The following UEVLD variants were observed in gnomAD, a reference collection of about 807,000 sequenced individuals.
The protein encoded by UEVLD is UEV and lactate/malate dehyrogenase domains.
A neutral mutation model predicts 58.6 loss-of-function variants in UEVLD; 47 were observed. The ratio of observed to expected loss-of-function variants is 0.80; its 90% CI spans 0.63 to 1.02. UEVLD has a LOEUF of 1.02. UEVLD is among the 50% of genes least tolerant of loss of function. UEVLD has a pLI of 0.00. For missense variants in UEVLD, 510 were observed against 550.6 expected, an observed-to-expected ratio of 0.93 and a Z score of 0.74; for synonymous variants, 197 against 195.3, an observed-to-expected ratio of 1.01 and a Z score of -0.07.
intron 1 of UEVLD, among the ~76,000 whole-genome samples, chr11:18,579,208 C>T (rs539074031): frequency 6.6e-6 from 1 of 152,088 alleles, no homozygotes. Context: ...GTGGTAGGCC[C>T]TGAGCTCTGC....
At chr11:18,541,736 G>A (rs1851063023) in intron 9 of UEVLD, among the ~76,000 whole-genome samples, 1 of 152,196 alleles carries the variant, frequency 6.6e-6, no homozygotes, top group Non-Finnish European at 1.5e-5. Context: ...TCATATAAGG[G>A]ATGCTTGACT....
intron 7 of UEVLD, among the ~76,000 whole-genome samples, chr11:18,549,451 CTG>C (rs1017544869): frequency 1.1e-4 from 17 of 152,276 alleles, no homozygotes; most frequent in African/African-American, 3.8e-4. Flanking sequence ...GGGTCTCACT[CTG>C]TTGCCCAGGC....
intron 9 of UEVLD, among the ~76,000 whole-genome samples, chr11:18,540,012 A>G (rs1450494159): frequency 6.6e-6 from 1 of 152,024 alleles, no homozygotes; most frequent in Non-Finnish European, 1.5e-5. Flanking sequence ...TTTTTTGCCA[A>G]TTTTCTATTC....
intron 7 of UEVLD, among the ~76,000 whole-genome samples, chr11:18,551,081 G>A (rs974979647): frequency 1.1e-4 from 17 of 152,132 alleles, no homozygotes; most frequent in Admixed American, 1.1e-3. Flanking sequence ...CAGTTATAAA[G>A]AGAATTAGAA....
At chr11:18,585,295 A>G (rs548525209) in intron 1 of UEVLD, among the ~76,000 whole-genome samples, 2 of 152,342 alleles carry the variant, frequency 1.3e-5, no homozygotes, top group Non-Finnish European at 2.9e-5. Context: ...TTCTGAGCCT[A>G]TAACATTTAT....
intron 9 of UEVLD, among the ~76,000 whole-genome samples, chr11:18,543,610 G>A (rs1851159763): frequency 6.6e-6 from 1 of 152,182 alleles, no homozygotes; most frequent in Non-Finnish European, 1.5e-5. Context: ...CACTGTAAGT[G>A]TATAGTACTC....
At chr11:18,576,110 C>T (rs1175157163) in intron 2 of UEVLD, among the ~76,000 whole-genome samples, 1 of 152,218 alleles carries the variant, frequency 6.6e-6, no homozygotes, top group African/African-American at 2.4e-5. Flanking sequence ...CCTTCCTGGG[C>T]ATAGGCTGAA....
At chr11:18,534,763 G>C (rs1205332616) in intron 10 of UEVLD, among the ~76,000 whole-genome samples, 2 of 152,154 alleles carry the variant, frequency 1.3e-5, no homozygotes, top group Non-Finnish European at 2.9e-5. Context: ...AAATTAAAAA[G>C]ACTGATAACT....
At chr11:18,543,505 T>C (rs936088778) in intron 9 of UEVLD, among the ~76,000 whole-genome samples, 8 of 152,224 alleles carry the variant, frequency 5.3e-5, no homozygotes, top group African/African-American at 2.4e-5. Flanking sequence ...ATCCTATTCA[T>C]TCGTCCAAAC....
intron 1 of UEVLD, among the ~76,000 whole-genome samples, chr11:18,581,297 A>G (rs1427484993): frequency 6.6e-6 from 1 of 152,258 alleles, no homozygotes; most frequent in Non-Finnish European, 1.5e-5. Context: ...CAGGCAGGAA[A>G]CTACAAATTG....
rs907880686 is a variant in UEVLD at position 18,532,265 on chromosome 11, T to G, written c.*55A>C. The G allele has an allele frequency of 1.3e-5, 20 of 1,504,354 alleles. No homozygotes were observed. The highest frequency in any genetic ancestry group is 1.8e-5 in the Non-Finnish European group (20 of 1,123,768). The allele number at this position is 1,504,354 out of a possible 1,614,324, so 93.2% of individuals were successfully genotyped here. ...TCCTCAAACCTATATATAGGTAAAATTAAATGACTTTTCCCTTTAGGTAGA... is the reference window on the plus strand; with the variant it reads ...TCCTCAAACCTATATATAGGTAAAAGTAAATGACTTTTCCCTTTAGGTAGA... On this transcript the variant is annotated 3_prime_UTR_variant, in exon 12 of 12. Transcript: ENST00000396197.
intron 1 of UEVLD, among the ~76,000 whole-genome samples, chr11:18,587,077 C>G (rs1273618263): frequency 6.6e-6 from 1 of 152,122 alleles, no homozygotes. Context: ...GTGCCAGACT[C>G]TATGCTATGC....
chr11:18,587,304 G>C (rs543908104), intron 1 of UEVLD, among the ~76,000 whole-genome samples: 7 of 152,092 alleles, frequency 4.6e-5, no homozygotes, highest in Non-Finnish European at 1.0e-4. Context: ...AGACAGAAAG[G>C]GTAGCATTAT....
intron 6 of UEVLD, among the ~76,000 whole-genome samples, chr11:18,560,208 C>T (rs1423295732): frequency 1.3e-5 from 2 of 151,196 alleles, no homozygotes; most frequent in Non-Finnish European, 2.9e-5. Flanking sequence ...TCACTGAATT[C>T]GGCCTTACTT....
At chr11:18,565,829 A>T (rs1852265327) in intron 5 of UEVLD, among the ~76,000 whole-genome samples, 1 of 152,100 alleles carries the variant, frequency 6.6e-6, no homozygotes, top group African/African-American at 2.4e-5. Context: ...AAAAAATAAA[A>T]AAATAAATAA....
At position 18,566,480 on chromosome 11, in the gene UEVLD, A is replaced by C. The variant is rs1482763374; in HGVS notation, c.360T>G (p.Pro120=). The change falls in exon 5 of 12, where the codon CCT becomes CCG. Residue 120 remains proline (P), a splice_region_variant and synonymous_variant. Coordinates refer to ENST00000396197, the MANE Select transcript of UEVLD (RefSeq NM_001040697.4). ...YLPYLQNWSH[P]KSVIVGLIKE... ...TAATTAATCCAACAATGACAGATTT[A>C]GGCTGTAGAATACACAAAAAACAGA... The C allele has an allele frequency of 6.2e-7, 1 of 1,613,276 alleles. No homozygotes were observed. Among genetic ancestry groups the C allele is most frequent in the Non-Finnish European group, 8.5e-7 (1 of 1,179,888 alleles).
intron 8 of UEVLD, 141 bp from the exon 9 acceptor site, chr11:18,544,937 CAT>C (rs931380372): frequency 8.6e-6 from 4 of 463,810 alleles, no homozygotes; most frequent in African/African-American, 4.2e-5. Flanking sequence ...TACACACACA[CAT>C]ATATACATAT....
chr11:18,546,803 T>C, intron 8 of UEVLD, 77 bp downstream of exon 8: 1 of 1,544,888 alleles, frequency 6.5e-7, no homozygotes, highest in Non-Finnish European at 8.8e-7. Flanking sequence ...GGCCCTAAAG[T>C]TTTATGGTTT....
chr11:18,556,367 G>A (rs1449951341), intron 7 of UEVLD, among the ~76,000 whole-genome samples: 1 of 152,198 alleles, frequency 6.6e-6, no homozygotes, highest in African/African-American at 2.4e-5. Flanking sequence ...TCTTTCCAGA[G>A]AAGGAAAATG....
Sources: gnomAD v4.1 joint callset for allele counts (sites outside exome capture counted in the v4.1 genomes callset) on GRCh38, gnomAD v4.1.1 for gene constraint, MANE v1.5 for transcripts, NCBI Gene and HGNC (gene_info 2026-07-23, HGNC 2026-07-21) for gene names.